MTMR9: variants seen among roughly 807,000 people sequenced by gnomAD.
MTMR9 encodes myotubularin related protein 9.
A neutral mutation model predicts 69.5 loss-of-function variants in MTMR9; 39 were observed. The observed-to-expected ratio is 0.56, with a 90% CI of 0.43 to 0.73. MTMR9 has a LOEUF of 0.73. Among genes scored for constraint, MTMR9 ranks in the 30% least tolerant of loss-of-function variants. The pLI, the probability that MTMR9 is intolerant of heterozygous loss-of-function variation, is 0.00. For synonymous variants in MTMR9, 354 were observed against 240.8 expected (o/e 1.47, Z -4.35); for missense variants, 900 against 671.2 (o/e 1.34, Z -3.77).
intron 1 of MTMR9, among the ~76,000 whole-genome samples, chr8:11,288,875 A>G (rs1230738484): frequency 6.6e-6 from 1 of 152,218 alleles, no homozygotes; most frequent in Non-Finnish European, 1.5e-5. Flanking sequence ...AGTAGTTCAC[A>G]TAAAAGATGA....
intron 8 of MTMR9, chr8:11,318,655 C>T (rs547004434): frequency 6.6e-6 from 1 of 152,204 alleles, no homozygotes; most frequent in East Asian, 1.9e-4. Flanking sequence ...CGACTGTTAT[C>T]CTTCTCTAAC....
At chr8:11,291,834 T>C (rs1799388888) in intron 1 of MTMR9, among the ~76,000 whole-genome samples, 3 of 152,184 alleles carry the variant, frequency 2.0e-5, no homozygotes, top group African/African-American at 7.2e-5. Context: ...GTTTGGTTGC[T>C]GTGTGTCTTT....
chr8:11,289,907 A>G (rs765332744), intron 1 of MTMR9, among the ~76,000 whole-genome samples: 55 of 152,222 alleles, frequency 3.6e-4, no homozygotes, highest in Non-Finnish European at 6.6e-4. Context: ...ACTCCCTGCT[A>G]TCACAAACAA....
chr8:11,331,462 A>G, downstream of MTMR9: 1 of 1,613,804 alleles, frequency 6.2e-7, no homozygotes, highest in Non-Finnish European at 8.5e-7. Flanking sequence ...GGATGTGCCT[A>G]CAGTGCAGTT....
chr8:11,327,209 A>G lies in MTMR9; in HGVS notation c.*4421A>G, dbSNP rs2117483703. The G allele has an allele frequency of 6.6e-6, 1 of 152,326 alleles. No homozygotes were observed. Among genetic ancestry groups the G allele is most frequent in the Non-Finnish European group, 1.5e-5 (1 of 68,030 alleles). The allele number at this position is 152,326 out of a possible 1,614,324, so 9.4% of individuals were successfully genotyped here. A position where few individuals can be genotyped will look rare whatever the true frequency, so the allele number is the denominator to read the frequency against. On this transcript the variant is annotated 3_prime_UTR_variant, in exon 10 of 10. Transcript: ENST00000221086. ...GGATATTAAAATGCCTGAACCTGTT[A>G]TCTAAATCCTTTTTAAGAAACTTAA...
In MTMR9 at chr8:11,327,909, A is replaced by G. The variant is rs1801017300; in HGVS notation, c.*5121A>G. On this transcript the variant is annotated 3_prime_UTR_variant, in exon 10 of 10. Transcript: ENST00000221086. ...TTTAATATTGTTTGTAATATTCACT[A>G]GGTGATAATTTCCCCTGTACCCTAT... is the stretch of plus-strand genomic sequence containing the variant. The G allele has an allele frequency of 1.3e-5, 2 of 152,318 alleles. No individual in the cohort carries two copies. Among genetic ancestry groups the G allele is most frequent in the Admixed American group, 1.3e-4 (2 of 15,274 alleles). The allele number at this position is 152,318 out of a possible 1,614,324, so 9.4% of individuals were successfully genotyped here.
At chr8:11,336,359 G>C in the MTMR9 span, among the ~76,000 whole-genome samples, 1 of 152,182 alleles carries the variant, frequency 6.6e-6, no homozygotes. Flanking sequence ...TGATCCTTTG[G>C]CTCTATGACC....
chr8:11,299,554 A>C (rs1585115328), intron 2 of MTMR9, among the ~76,000 whole-genome samples: 3 of 152,104 alleles, frequency 2.0e-5, no homozygotes, highest in Non-Finnish European at 4.4e-5. Flanking sequence ...CTGACTGTAG[A>C]CCTCTAGGCT....
chr8:11,298,902 G>A, intron 2 of MTMR9: 1 of 983,166 alleles, frequency 1.0e-6, no homozygotes, highest in Non-Finnish European at 1.2e-6. Context: ...GGGGCTGATA[G>A]AGTTATTGCC....
chr8:11,286,054 G>A (rs906869072), intron 1 of MTMR9, among the ~76,000 whole-genome samples: 2 of 146,270 alleles, frequency 1.4e-5, no homozygotes, highest in Admixed American at 7.0e-5. Flanking sequence ...CCAGGTTCTA[G>A]CGATTCTTCT....
At chr8:11,295,345 A>T in intron 2 of MTMR9, 43 bp downstream of exon 2, 1 of 1,092,824 alleles carries the variant, frequency 9.2e-7, no homozygotes, top group Non-Finnish European at 1.4e-6. Flanking sequence ...ATAATTTTAT[A>T]TTATGACTCA....
intron 4 of MTMR9, 64 bp from the exon 5 acceptor site, chr8:11,306,123 TTTC>T: frequency 7.2e-7 from 1 of 1,380,266 alleles, no homozygotes; most frequent in South Asian, 1.2e-5. Context: ...ATCTAGCTAA[TTTC>T]TTTCTGTTTT....
chr8:11,298,734 A>G (rs1236444845), intron 2 of MTMR9: 3 of 511,562 alleles, frequency 5.9e-6, no homozygotes, highest in Non-Finnish European at 4.5e-6. Context: ...CCCCCCCGCC[A>G]TCCAGTATAG....
rs1800355934 is a variant in MTMR9, at chr8:11,315,007, G to A, written c.1056G>A (p.Glu352=). 6.2e-7 allele frequency: 1 copy of A among 1,614,030 alleles called. No homozygotes were observed. Among genetic ancestry groups the A allele is most frequent in the Non-Finnish European group, 8.5e-7 (1 of 1,179,930 alleles). The change falls in exon 7 of 10, where the codon GAG becomes GAA. Residue 352 remains glutamate (E), a synonymous_variant. Coordinates refer to ENST00000221086, the MANE Select transcript of MTMR9 (RefSeq NM_015458.4). ...QVTSLAQIIL[E]PRSRTIRGFE... ...CCTCCTTGGCCCAGATCATCTTAGA[G>A]CCAAGAAGCAGGACCATTCGTGGTT...
chr8:11,293,428 A>G (rs1799434964), intron 1 of MTMR9, among the ~76,000 whole-genome samples: 2 of 152,228 alleles, frequency 1.3e-5, no homozygotes, highest in Admixed American at 1.3e-4. Context: ...TGTTGAAGAA[A>G]GAAACATTTT....
chr8:11,295,362 C>G (rs1031226655), intron 2 of MTMR9, 60 bp downstream of exon 2: 2 of 954,682 alleles, frequency 2.1e-6, no homozygotes, highest in African/African-American at 1.6e-5. Flanking sequence ...CTCAGTGTAG[C>G]TCTTCCATTT....
At chr8:11,339,142 T>C in the MTMR9 span, among the ~76,000 whole-genome samples, 1 of 152,184 alleles carries the variant, frequency 6.6e-6, no homozygotes, top group African/African-American at 2.4e-5. Context: ...TTTTAATTCA[T>C]CAGTCTGACC....
At chr8:11,328,802 T>G (rs1401046970), downstream of MTMR9, among the ~76,000 whole-genome samples, 1 of 152,234 alleles carries the variant, frequency 6.6e-6, no homozygotes, top group Non-Finnish European at 1.5e-5. Flanking sequence ...CAGGAAAAGT[T>G]AACATCATTA....
At chr8:11,331,314 C>T, downstream of MTMR9, 1 of 1,614,004 alleles carries the variant, frequency 6.2e-7, no homozygotes, top group Non-Finnish European at 8.5e-7. Context: ...CCTGCCCTCG[C>T]TGGAGCTGCT....
Sources: allele counts gnomAD v4.1 joint callset (sites outside exome capture counted in the v4.1 genomes callset), GRCh38; gene constraint gnomAD v4.1.1; transcripts MANE v1.5; gene names NCBI Gene and HGNC (gene_info 2026-07-23, HGNC 2026-07-21).